Variants in ASTN2 observed in about 807,000 individuals in gnomAD.
The protein encoded by ASTN2 is astrotactin 2, also known as astrotactin-2.
ASTN2 carries 54 observed loss-of-function variants against 139.8 expected under a neutral mutation model. The ratio of observed to expected loss-of-function variants is 0.39; its 90% CI spans 0.31 to 0.48. ASTN2 has a LOEUF of 0.48. Ranked by LOEUF, ASTN2 falls within the 20% of genes least tolerant of loss-of-function variation. The pLI, the probability that ASTN2 is intolerant of heterozygous loss-of-function variation, is 0.95. For missense variants in ASTN2, 1,565 were observed against 1,725.1 expected, an observed-to-expected ratio of 0.91 and a Z score of 1.64; for synonymous variants, 756 against 719.5, an observed-to-expected ratio of 1.05 and a Z score of -0.81.
At chr9:117,126,033 G>GT (rs1309092856) in intron 4 of ASTN2, among the ~76,000 whole-genome samples, 1 of 152,026 alleles carries the variant, frequency 6.6e-6, no homozygotes, top group African/African-American at 2.4e-5. Flanking sequence ...AAGGTTAGTT[G>GT]TTTTTTTCTT....
At chr9:116,528,528 A>G (rs1288202620) in intron 19 of ASTN2, among the ~76,000 whole-genome samples, 1 of 152,268 alleles carries the variant, frequency 6.6e-6, no homozygotes, top group African/African-American at 2.4e-5. Context: ...TGTGGTAGAA[A>G]AGAAAAACCC....
Position 117,386,524 on chromosome 9 carries a change from A to G in ASTN2, c.442+27973T>C, listed in dbSNP as rs113479753. Among the ~76,000 whole-genome samples, 899 of 152,290 alleles carry G rather than the reference A, an allele frequency of 5.9e-3. 14 individuals are homozygous for G. The highest frequency in any genetic ancestry group is 0.021 in the African/African-American group (853 of 41,564). The stretch of plus-strand genomic sequence containing the variant: ...CTCAGGAGCCACCATTCTAGGGCCA[A>G]CATTTCAGGGACCAGGATGGACCAC... On this transcript the variant is annotated intron_variant, in intron 1 of 22. Transcript: ENST00000313400.
intron 4 of ASTN2, among the ~76,000 whole-genome samples, chr9:117,107,764 G>T (rs1191941944): frequency 1.3e-5 from 2 of 152,120 alleles, no homozygotes; most frequent in East Asian, 3.9e-4. Flanking sequence ...TTGTTGACAT[G>T]CACTGCAAAT....
chr9:117,099,840 C>A (rs1487661133), intron 4 of ASTN2, among the ~76,000 whole-genome samples: 1 of 152,108 alleles, frequency 6.6e-6, no homozygotes, highest in African/African-American at 2.4e-5. Flanking sequence ...CCTATAAGGA[C>A]TGTATCATGA....
At chr9:117,065,309 C>T (rs990078082) in intron 5 of ASTN2, among the ~76,000 whole-genome samples, 1 of 152,162 alleles carries the variant, frequency 6.6e-6, no homozygotes, top group African/African-American at 2.4e-5. Context: ...TAATTTGTTA[C>T]AGCAGCCACA....
chr9:117,170,337 T>A (rs1830762735), intron 3 of ASTN2, among the ~76,000 whole-genome samples: 2 of 152,106 alleles, frequency 1.3e-5, no homozygotes, highest in African/African-American at 4.8e-5. Context: ...TGACCTCAGT[T>A]GCAATCTTCT....
chr9:116,778,059 C>T (rs1830128717), intron 13 of ASTN2, among the ~76,000 whole-genome samples: 1 of 151,968 alleles, frequency 6.6e-6, no homozygotes, highest in Admixed American at 6.6e-5. Flanking sequence ...ATTGGCCAGG[C>T]TGGTCTTGAA....
At chr9:116,929,195 A>G (rs1276605962) in intron 10 of ASTN2, among the ~76,000 whole-genome samples, 1 of 152,196 alleles carries the variant, frequency 6.6e-6, no homozygotes, top group Admixed American at 6.5e-5. Context: ...AATAGGACTT[A>G]GTACACAGAC....
rs76453612 is a variant in ASTN2, at chr9:117,292,308, T to C, written c.443-795A>G. 4.9e-3 allele frequency among the ~76,000 whole-genome samples: 751 copies of C among 152,284 alleles called. 6 individuals are homozygous for C. The highest frequency in any genetic ancestry group is 0.017 in the African/African-American group (710 of 41,560). On this transcript the variant is annotated intron_variant, in intron 1 of 22. Coordinates refer to ENST00000313400, the MANE Select transcript of ASTN2 (RefSeq NM_001365068.1). ...GTAAATACTTTTAAAGTGATTATCATTTGAATAGTATTTTTGTTCAATGTA... is the reference window on the plus strand; with the variant it reads ...GTAAATACTTTTAAAGTGATTATCACTTGAATAGTATTTTTGTTCAATGTA...
chr9:116,808,653 C>T (rs1171481334), intron 12 of ASTN2, among the ~76,000 whole-genome samples: 1 of 151,990 alleles, frequency 6.6e-6, no homozygotes, highest in Non-Finnish European at 1.5e-5. Flanking sequence ...TATCATTGTG[C>T]CCAACTATGT....
rs115912159 is a variant in ASTN2 at position 116,679,339 on chromosome 9, T to G, written c.2807-27546A>C. ...AATCCTGTAAAGTCCAAAAATGACA[T>G]TTGGCTTATTTCATATGAAACTCAT... On this transcript the variant is annotated intron_variant, in intron 16 of 22. Transcript: ENST00000313400. Among the ~76,000 whole-genome samples, 795 of 152,220 alleles carry G rather than the reference T, an allele frequency of 5.2e-3. 4 individuals carry two copies. Among genetic ancestry groups the G allele is most frequent in the African/African-American group, 0.018 (759 of 41,540 alleles).
At position 116,698,780 on chromosome 9, in the gene ASTN2, T is replaced by A; in HGVS notation, c.2806+26991A>T. 1 of 1,614,184 alleles carries A rather than the reference T, an allele frequency of 6.2e-7. No homozygotes were observed. ...CCTCACCTGCTAAACAGCGGGGTCC[T>A]GAGGCAGCCTCCAATATCCAGCAGT... On this transcript the variant is annotated intron_variant, in intron 16 of 22. Coordinates refer to ENST00000313400, the MANE Select transcript of ASTN2 (RefSeq NM_001365068.1). This position sits in a 1 kb window ranked among gnomAD's most constrained non-coding sequence, Gnocchi z 4.4.
At chr9:117,323,166 C>T (rs1343888006) in intron 1 of ASTN2, among the ~76,000 whole-genome samples, 1 of 151,970 alleles carries the variant, frequency 6.6e-6, no homozygotes, top group Non-Finnish European at 1.5e-5. Flanking sequence ...TATGTGTGCA[C>T]ACACACACAT....
Position 116,686,769 on chromosome 9 carries a change from G to C in ASTN2, c.2807-34976C>G, listed in dbSNP as rs1225572423. ...CCTCTGCTGTCGGCCTCCCAGCTGAGTAGGCAAAACATTCCTTTACAGAGC... is the reference window on the plus strand; with the variant it reads ...CCTCTGCTGTCGGCCTCCCAGCTGACTAGGCAAAACATTCCTTTACAGAGC... On this transcript the variant is annotated intron_variant, in intron 16 of 22. Coordinates refer to ENST00000313400, the MANE Select transcript of ASTN2 (RefSeq NM_001365068.1). The C allele has an allele frequency of 3.9e-6, 6 of 1,550,560 alleles. No individual in the cohort carries two copies. The East Asian group carries it at 1.5e-4, about 38-fold the overall frequency.
intron 6 of ASTN2, among the ~76,000 whole-genome samples, chr9:117,025,466 T>C (rs1320956621): frequency 6.6e-6 from 1 of 152,132 alleles, no homozygotes; most frequent in East Asian, 1.9e-4. Context: ...TCTGCTTCCA[T>C]AGAAAGTCCA....
chr9:116,736,624 AC>A (rs1215125499), intron 13 of ASTN2, among the ~76,000 whole-genome samples: 1 of 152,098 alleles, frequency 6.6e-6, no homozygotes, highest in Admixed American at 6.5e-5. Flanking sequence ...TCTCTATGTG[AC>A]CTCTTCAAGC....
At chr9:116,909,948 C>T (rs1369137907) in intron 10 of ASTN2, among the ~76,000 whole-genome samples, 1 of 151,972 alleles carries the variant, frequency 6.6e-6, no homozygotes, top group Non-Finnish European at 1.5e-5. Flanking sequence ...AGGATGAGAG[C>T]CCTGGTGGAA....
At chr9:117,041,398 C>T (rs564924851) in intron 5 of ASTN2, among the ~76,000 whole-genome samples, 13 of 152,228 alleles carry the variant, frequency 8.5e-5, no homozygotes, top group Admixed American at 7.9e-4. Context: ...TAAAGCCTCC[C>T]CCTCCTGAGA....
intron 11 of ASTN2, among the ~76,000 whole-genome samples, chr9:116,825,660 G>C (rs964106499): frequency 2.6e-5 from 4 of 152,134 alleles, no homozygotes; most frequent in Non-Finnish European, 5.9e-5. Context: ...GAGCTGGAAG[G>C]GGCTCCCAGA....
Sources: gnomAD v4.1 joint callset for allele counts (sites outside exome capture counted in the v4.1 genomes callset) on GRCh38, gnomAD v4.1.1 for gene constraint, Gnocchi (gnomAD v3.1) non-coding constraint, MANE v1.5 for transcripts, NCBI Gene and HGNC (gene_info 2026-07-23, HGNC 2026-07-21) for gene names.